Variants in OTOGL observed in about 807,000 individuals in gnomAD.
OTOGL encodes otogelin like, also known as otogelin-like protein.
In OTOGL, 285 loss-of-function variants were observed where a neutral mutation model predicts 318.5. The ratio of observed to expected loss-of-function variants is 0.89; its 90% CI spans 0.81 to 0.99. The LOEUF (loss-of-function observed/expected upper bound fraction) is 0.99. OTOGL is among the 50% of genes least tolerant of loss of function. The probability of loss-of-function intolerance (pLI) is 0.00; values close to 1 mark genes in which losing one functional copy is unlikely to be tolerated. For missense variants in OTOGL, 2,899 were observed against 2,845.6 expected, an observed-to-expected ratio of 1.02 and a Z score of -0.43; for synonymous variants, 987 against 936.5, an observed-to-expected ratio of 1.05 and a Z score of -0.99.
rs2138034319 is a variant in OTOGL, at chr12:80,358,267, A to G, written c.6039A>G (p.Lys2013=). 6.2e-7 allele frequency: 1 copy of G among 1,611,522 alleles called. No individual in the cohort carries two copies. Among genetic ancestry groups the G allele is most frequent in the South Asian group, 1.1e-5 (1 of 90,674 alleles). The change falls in exon 50 of 59, where the codon AAA becomes AAG. Residue 2013 remains lysine, a synonymous_variant. Transcript: ENST00000547103. ...SPFCVCESCT[K]PVPLCHDGEF... ...CCTTAGTTTGTGAATCTTGCACCAA[A>G]CCTGTTCCACTATGTCATGATGGGG...
At chr12:80,145,875 A>T (rs1457206542) in intron 1 of OTOGL, among the ~76,000 whole-genome samples, 4 of 151,698 alleles carry the variant, frequency 2.6e-5, no homozygotes, top group Admixed American at 2.6e-4. Flanking sequence ...TTGTTGGTGT[A>T]TAAGAATGCT....
At chr12:80,327,958 C>CAAAAAAAAAAAAAAAAAAA (rs397687373) in intron 35 of OTOGL, among the ~76,000 whole-genome samples, 1 of 30,946 alleles carries the variant, frequency 3.2e-5, no homozygotes, top group African/African-American at 1.9e-4. Flanking sequence ...GACTCTGTCT[C>CAAAAAAAAAAAAAAAAAAA]AAAAAAAAAA....
At chr12:80,351,304 T>TTTG (rs1555302375) in intron 44 of OTOGL, among the ~76,000 whole-genome samples, 9 of 144,936 alleles carry the variant, frequency 6.2e-5, no homozygotes, top group Admixed American at 3.4e-4. Flanking sequence ...TTTTTTTTTT[T>TTTG]TTGTTGTTGT....
intron 37 of OTOGL, among the ~76,000 whole-genome samples, chr12:80,332,097 T>C (rs1421072211): frequency 6.6e-6 from 1 of 152,196 alleles, no homozygotes. Context: ...GCAGTCCTAC[T>C]AATAGCTTGA....
chr12:80,267,751 A>G (rs1226723808), intron 22 of OTOGL, among the ~76,000 whole-genome samples: 4 of 151,736 alleles, frequency 2.6e-5, no homozygotes, highest in Non-Finnish European at 4.4e-5. Flanking sequence ...TATTATAATC[A>G]TGTGATTGTA....
At chr12:80,324,209 G>A (rs1887535814) in intron 35 of OTOGL, among the ~76,000 whole-genome samples, 1 of 152,186 alleles carries the variant, frequency 6.6e-6, no homozygotes, top group Admixed American at 6.5e-5. Flanking sequence ...GAGAGCATAA[G>A]GCATGTGTGT....
At chr12:80,140,870 T>A (rs1281140594) in intron 1 of OTOGL, among the ~76,000 whole-genome samples, 2 of 152,170 alleles carry the variant, frequency 1.3e-5, no homozygotes, top group South Asian at 2.1e-4. Flanking sequence ...CGGACATCAG[T>A]AATTTTTAGT....
chr12:80,305,807 T>A, intron 29 of OTOGL, 112 bp downstream of exon 29: 1 of 899,702 alleles, frequency 1.1e-6, no homozygotes, highest in Non-Finnish European at 1.5e-6. Flanking sequence ...ATTTTCATAG[T>A]AATTTATAGC....
intron 49 of OTOGL, among the ~76,000 whole-genome samples, chr12:80,358,016 T>C (rs1890014696): frequency 6.6e-6 from 1 of 152,206 alleles, no homozygotes; most frequent in Non-Finnish European, 1.5e-5. Context: ...AATCTGAATG[T>C]TCTACCTTTC....
chr12:80,177,075 A>C (rs1256329110), intron 1 of OTOGL, among the ~76,000 whole-genome samples: 3 of 152,128 alleles, frequency 2.0e-5, no homozygotes, highest in Non-Finnish European at 2.9e-5. Flanking sequence ...TTGTTTATAT[A>C]GATCAAAGGC....
chr12:80,144,128 CAT>C (rs1229304162), intron 1 of OTOGL, among the ~76,000 whole-genome samples: 2 of 150,854 alleles, frequency 1.3e-5, no homozygotes, highest in East Asian at 4.0e-4. Flanking sequence ...CATATGTAAA[CAT>C]GTGCCACGCT....
chr12:80,336,300 T>A, intron 39 of OTOGL, 113 bp from the exon 40 acceptor site: 1 of 1,346,176 alleles, frequency 7.4e-7, no homozygotes, highest in South Asian at 1.6e-5. Flanking sequence ...ACTTTTAGAG[T>A]TGCTTCTTGT....
intron 44 of OTOGL, among the ~76,000 whole-genome samples, chr12:80,345,767 A>G (rs1446314032): frequency 6.6e-6 from 1 of 152,196 alleles, no homozygotes; most frequent in Non-Finnish European, 1.5e-5. Flanking sequence ...ACCTACTAGT[A>G]CTTTCAGACT....
chr12:80,332,005 G>C (rs1888102299), intron 37 of OTOGL, among the ~76,000 whole-genome samples: 2 of 152,102 alleles, frequency 1.3e-5, no homozygotes, highest in African/African-American at 2.4e-5. Context: ...TAAAGGAAGG[G>C]ACCATGAGCC....
At chr12:80,359,153 C>A (rs943931090) in intron 52 of OTOGL, among the ~76,000 whole-genome samples, 1 of 151,844 alleles carries the variant, frequency 6.6e-6, no homozygotes, top group East Asian at 1.9e-4. Flanking sequence ...TACTTCAGTT[C>A]CCTGTATTAA....
chr12:80,313,770 T>G (rs1886802768), intron 31 of OTOGL, 138 bp downstream of exon 31: 2 of 668,506 alleles, frequency 3.0e-6, no homozygotes, highest in Admixed American at 3.5e-5. Flanking sequence ...TTATATTCCT[T>G]TGACAATCAT....
intron 1 of OTOGL, among the ~76,000 whole-genome samples, chr12:80,114,549 T>C (rs1314040319): frequency 6.6e-6 from 1 of 152,210 alleles, no homozygotes; most frequent in Non-Finnish European, 1.5e-5. Context: ...TTAACGTTTT[T>C]TTCCACCATT....
rs78435407 is a variant in OTOGL at position 80,365,161 on chromosome 12, G to A, written c.6268-1413G>A. 4.2e-3 allele frequency among the ~76,000 whole-genome samples: 638 copies of A among 152,132 alleles called. 7 individuals carry two copies. In the East Asian group the frequency reaches 0.047, roughly 11 times the overall value. ...ACAATTTCACTCCTAAATATGTACTGATGAGAAATGAAAACATATGTCCAC... is the reference window on the plus strand; with the variant it reads ...ACAATTTCACTCCTAAATATGTACTAATGAGAAATGAAAACATATGTCCAC... On this transcript the variant is annotated intron_variant, in intron 52 of 58. Coordinates refer to ENST00000547103, the MANE Select transcript of OTOGL (RefSeq NM_001378609.3).
chr12:80,219,970 A>G, intron 6 of OTOGL, 58 bp downstream of exon 6: 8 of 1,206,932 alleles, frequency 6.6e-6, no homozygotes, highest in Non-Finnish European at 9.4e-6. Context: ...AAATTAAGGC[A>G]TAATTTGCTA....
Sources: allele counts gnomAD v4.1 joint callset (sites outside exome capture counted in the v4.1 genomes callset), GRCh38; gene constraint gnomAD v4.1.1; transcripts MANE v1.5; gene names NCBI Gene and HGNC (gene_info 2026-07-23, HGNC 2026-07-21).